Variants in SORT1 observed in about 807,000 individuals in gnomAD.
The protein encoded by SORT1 is sortilin 1.
Under a neutral mutation model 101.7 loss-of-function variants are expected in SORT1, and 39 were observed. The observed-to-expected ratio is 0.38, with a 90% CI of 0.30 to 0.50. The LOEUF is 0.50. Among genes scored for constraint, SORT1 ranks in the 20% least tolerant of loss-of-function variants. The pLI is 0.90. For missense variants in SORT1, 878 were observed against 1,040.4 expected, an observed-to-expected ratio of 0.84 and a Z score of 2.15; for synonymous variants, 396 against 393.7, an observed-to-expected ratio of 1.01 and a Z score of -0.07.
intron 15 of SORT1, among the ~76,000 whole-genome samples, chr1:109,320,047 TCTCTGCC>T: frequency 6.6e-6 from 1 of 152,088 alleles, no homozygotes; most frequent in East Asian, 1.9e-4. Flanking sequence ...CTCATCTGTT[TCTCTGCC>T]CTCTGCTGCC....
intron 11 of SORT1, among the ~76,000 whole-genome samples, chr1:109,331,995 G>A (rs1570908035): frequency 1.1e-4 from 12 of 113,564 alleles, no homozygotes; most frequent in South Asian, 2.7e-4. Context: ...GGAGGTGAAA[G>A]ACTAAAAACT....
intron 1 of SORT1, among the ~76,000 whole-genome samples, chr1:109,378,002 T>C (rs1190050649): frequency 6.6e-6 from 1 of 151,848 alleles, no homozygotes; most frequent in African/African-American, 2.4e-5. Flanking sequence ...GAGGCTGAGG[T>C]GGGAGGTCAC....
chr1:109,325,560 T>C (rs917914237), intron 13 of SORT1, among the ~76,000 whole-genome samples: 1 of 152,116 alleles, frequency 6.6e-6, no homozygotes, highest in Non-Finnish European at 1.5e-5. Flanking sequence ...ACTTTTAACG[T>C]CTGTAGTTAA....
intron 7 of SORT1, 69 bp from the exon 8 acceptor site, chr1:109,345,950 G>A: frequency 7.6e-7 from 1 of 1,314,662 alleles, no homozygotes; most frequent in Admixed American, 2.1e-5. Flanking sequence ...AGTTGTTTTA[G>A]AATCAATCTT....
chr1:109,344,339 CCAACA>C (rs1206392298), intron 8 of SORT1, among the ~76,000 whole-genome samples: 1 of 152,182 alleles, frequency 6.6e-6, no homozygotes, highest in Admixed American at 6.5e-5. Flanking sequence ...CTCACAGCTC[CCAACA>C]CAAGAAGAGT....
rs759515662 is a variant in SORT1, at chr1:109,323,068, A to G, written c.1888T>C (p.Tyr630His). ...WLAHSTDPED[Y>H]EDGCILGYKE... ...TAGCCCAAAATGCAGCCATCTTCAT[A>G]ATCTTCAGGGTCTGTGGAGTGTGCC... The change falls in exon 15 of 20, where the codon TAT becomes CAT. Residue 630 changes from tyrosine to histidine, a missense_variant. Transcript: ENST00000256637. 43 of 1,614,032 alleles carry G rather than the reference A, an allele frequency of 2.7e-5. No individual in the cohort carries two copies. Among genetic ancestry groups the G allele is most frequent in the Non-Finnish European group, 3.4e-5 (40 of 1,180,004 alleles).
intron 1 of SORT1, among the ~76,000 whole-genome samples, chr1:109,382,152 T>C (rs1404447239): frequency 6.6e-6 from 1 of 152,218 alleles, no homozygotes; most frequent in African/African-American, 2.4e-5. Context: ...TTATTCTTTT[T>C]TGGGACAAAG....
intron 1 of SORT1, among the ~76,000 whole-genome samples, chr1:109,377,806 A>G (rs780227924): frequency 6.6e-6 from 1 of 152,258 alleles, no homozygotes; most frequent in Non-Finnish European, 1.5e-5. Flanking sequence ...CGGTGCAGGT[A>G]GAACACACAG....
At chr1:109,389,858 C>T (rs1225811671) in intron 1 of SORT1, 2 of 152,264 alleles carry the variant, frequency 1.3e-5, no homozygotes, top group East Asian at 3.8e-4. Flanking sequence ...TTCTTGGCTC[C>T]CCATTTCTAC....
intron 10 of SORT1, among the ~76,000 whole-genome samples, chr1:109,340,382 T>C (rs952574259): frequency 1.3e-5 from 2 of 151,952 alleles, no homozygotes; most frequent in East Asian, 1.9e-4. Context: ...AAATAGAATG[T>C]TGGTTACCAG....
chr1:109,333,513 T>C (rs912092587), intron 11 of SORT1, among the ~76,000 whole-genome samples: 8 of 152,176 alleles, frequency 5.3e-5, no homozygotes, highest in African/African-American at 1.7e-4. Context: ...TTGCAAACCA[T>C]ACATCTTATA....
chr1:109,376,248 G>A (rs1045489987), intron 1 of SORT1, among the ~76,000 whole-genome samples: 1 of 151,238 alleles, frequency 6.6e-6, no homozygotes, highest in Admixed American at 6.6e-5. Context: ...GGAGAATGGC[G>A]TGAACCCGGG....
At chr1:109,360,176 T>C (rs991278555) in intron 3 of SORT1, among the ~76,000 whole-genome samples, 41 of 152,044 alleles carry the variant, frequency 2.7e-4, no homozygotes, top group African/African-American at 9.7e-4. Context: ...CTCTACAAAG[T>C]ATACAAAATT....
chr1:109,395,324 G>A (rs970541017), intron 1 of SORT1, among the ~76,000 whole-genome samples: 3 of 145,830 alleles, frequency 2.1e-5, no homozygotes, highest in African/African-American at 7.7e-5. Flanking sequence ...GGGTTCAAGT[G>A]ATCGTCATGC....
chr1:109,320,278 T>G (rs773437265), intron 15 of SORT1, among the ~76,000 whole-genome samples: 1 of 152,200 alleles, frequency 6.6e-6, no homozygotes. Context: ...CACCTAAATA[T>G]GCTGACAAAA....
intron 1 of SORT1, among the ~76,000 whole-genome samples, chr1:109,378,746 ATATATATATATAT>A (rs1652033302): frequency 2.4e-5 from 2 of 84,338 alleles, no homozygotes; most frequent in Non-Finnish European, 2.4e-5. Context: ...ATATATATAT[ATATATATATATAT>A]ATAAAGATGT....
At chr1:109,325,761 G>A (rs1458319109) in intron 13 of SORT1, among the ~76,000 whole-genome samples, 1 of 151,950 alleles carries the variant, frequency 6.6e-6, no homozygotes, top group Non-Finnish European at 1.5e-5. Flanking sequence ...AATCACCTGA[G>A]GTTAGGAGTT....
chr1:109,325,229 AACT>A, intron 13 of SORT1, 140 bp from the exon 14 acceptor site: 1 of 394,728 alleles, frequency 2.5e-6, no homozygotes, highest in South Asian at 7.0e-5. Flanking sequence ...CAATTATTTT[AACT>A]TTTTTTTTTT....
chr1:109,321,643 C>A (rs765215132), intron 15 of SORT1, among the ~76,000 whole-genome samples: 1 of 152,154 alleles, frequency 6.6e-6, no homozygotes, highest in Non-Finnish European at 1.5e-5. Context: ...TTTGGTCAGA[C>A]CTATATTCTA....
Sources: gnomAD v4.1 joint callset for allele counts (sites outside exome capture counted in the v4.1 genomes callset) on GRCh38, gnomAD v4.1.1 for gene constraint, MANE v1.5 for transcripts, NCBI Gene and HGNC (gene_info 2026-07-23, HGNC 2026-07-21) for gene names.